TCAIM: variants seen among roughly 807,000 people sequenced by gnomAD.
TCAIM encodes the protein T cell activation inhibitor, mitochondrial.
TCAIM carries 36 observed loss-of-function variants against 58.6 expected under a neutral mutation model. The ratio of observed to expected loss-of-function variants is 0.61; its 90% CI spans 0.47 to 0.81. TCAIM has a LOEUF of 0.81. Ranked by LOEUF, TCAIM falls within the 30% of genes least tolerant of loss-of-function variation. TCAIM has a pLI of 0.00. For missense variants in TCAIM, 466 were observed against 579.6 expected (o/e 0.80, Z 2.01); for synonymous variants, 172 against 193.6 (o/e 0.89, Z 0.93).
At chr3:44,370,980 C>T (rs372755370) in intron 5 of TCAIM, among the ~76,000 whole-genome samples, 3 of 148,488 alleles carry the variant, frequency 2.0e-5, no homozygotes, top group South Asian at 2.1e-4. Flanking sequence ...GGCCCTATCT[C>T]GGCTCACTGC....
At position 44,338,848 on chromosome 3, in the gene TCAIM, G is replaced by A. The variant is rs1307667816; in HGVS notation, c.-45+14G>A. ...CTTGCCAGAACTGTAAGGAGCAAGA[G>A]GGGAGGGGCTCCGGTGGTGCATTCA... On this transcript the variant is annotated intron_variant, in intron 1 of 10. Transcript: ENST00000342649. The A allele has an allele frequency of 1.3e-5, 2 of 152,468 alleles. No individual in the cohort carries two copies. Among genetic ancestry groups the A allele is most frequent in the East Asian group, 1.9e-4 (1 of 5,186 alleles). The allele number at this position is 152,468 out of a possible 1,614,324, so 9.4% of individuals were successfully genotyped here.
intron 5 of TCAIM, among the ~76,000 whole-genome samples, chr3:44,392,365 A>G (rs1357879157): frequency 1.3e-5 from 2 of 152,076 alleles, no homozygotes; most frequent in African/African-American, 4.8e-5. Context: ...TTACATGTGT[A>G]GGTTTGTTAT....
intron 6 of TCAIM, 49 bp downstream of exon 6, chr3:44,393,026 T>G: frequency 6.6e-7 from 1 of 1,525,586 alleles, no homozygotes; most frequent in Non-Finnish European, 9.0e-7. Flanking sequence ...GAATATGAAT[T>G]ACCAACTGAT....
intron 1 of TCAIM, among the ~76,000 whole-genome samples, chr3:44,344,917 A>G (rs1194250003): frequency 6.6e-6 from 1 of 152,036 alleles, no homozygotes; most frequent in Non-Finnish European, 1.5e-5. Context: ...TTCACAAGGT[A>G]TTGTCATCAG....
chr3:44,405,482 G>A (rs1183233000), intron 10 of TCAIM, among the ~76,000 whole-genome samples: 1 of 151,960 alleles, frequency 6.6e-6, no homozygotes, highest in African/African-American at 2.4e-5. Context: ...AGACCAGTCT[G>A]GGCTACATGG....
At chr3:44,392,661 C>A (rs575851659) in intron 5 of TCAIM, among the ~76,000 whole-genome samples, 194 bp from the exon 6 acceptor site, 141 of 152,278 alleles carry the variant, frequency 9.3e-4, no homozygotes, top group African/African-American at 3.2e-3. Context: ...TGAACTCATT[C>A]TTTTTTATGG....
intron 8 of TCAIM, among the ~76,000 whole-genome samples, chr3:44,397,485 G>A (rs1701953096): frequency 1.3e-5 from 2 of 152,022 alleles, no homozygotes; most frequent in African/African-American, 4.8e-5. Context: ...TTTTATTACT[G>A]CGTACTATTT....
chr3:44,400,251 A>G lies in TCAIM; in HGVS notation c.886-104A>G, dbSNP rs1575280587. On this transcript the variant is annotated intron_variant, in intron 8 of 10. Coordinates refer to ENST00000342649, the MANE Select transcript of TCAIM (RefSeq NM_173826.4). The stretch of plus-strand genomic sequence containing the variant: ...CTTGAACTTTCCTTCAATGAAAATC[A>G]TTTTCTTGTTAAAAATGTCTTAATG... The G allele has an allele frequency of 1.1e-4, 101 of 895,250 alleles. No homozygotes were observed. In the South Asian group the frequency reaches 1.8e-3, roughly 16 times the overall value. 55.5% of individuals were successfully genotyped at this position (895,250 alleles called of 1,614,324 possible). A position where few individuals can be genotyped will look rare whatever the true frequency, so the allele number is the denominator to read the frequency against.
At chr3:44,360,690 C>G (rs750465948) in intron 3 of TCAIM, among the ~76,000 whole-genome samples, 1 of 151,656 alleles carries the variant, frequency 6.6e-6, no homozygotes, top group Non-Finnish European at 1.5e-5. Context: ...ACTGCAGCCT[C>G]GAACTCCTGG....
At chr3:44,384,777 A>C (rs1340397962) in intron 5 of TCAIM, among the ~76,000 whole-genome samples, 3 of 152,174 alleles carry the variant, frequency 2.0e-5, no homozygotes, top group African/African-American at 7.2e-5. Flanking sequence ...CTTCCCTGCA[A>C]CTTGGGTTCT....
chr3:44,404,489 A>T (rs1702069576), intron 10 of TCAIM, among the ~76,000 whole-genome samples: 1 of 151,730 alleles, frequency 6.6e-6, no homozygotes, highest in Non-Finnish European at 1.5e-5. Flanking sequence ...CCCTATACTT[A>T]GCCCCCAAGA....
intron 5 of TCAIM, among the ~76,000 whole-genome samples, chr3:44,376,459 A>C (rs1017377744): frequency 6.6e-6 from 1 of 152,208 alleles, no homozygotes; most frequent in Non-Finnish European, 1.5e-5. Flanking sequence ...AAAGGAGCAG[A>C]GTTTTTGTTA....
At chr3:44,383,809 C>CAAAAAA (rs71089100) in intron 5 of TCAIM, among the ~76,000 whole-genome samples, 10 of 95,384 alleles carry the variant, frequency 1.0e-4, no homozygotes, top group South Asian at 3.8e-4. Context: ...CCTGTCTCTA[C>CAAAAAA]AAAAAAAAAA....
At chr3:44,405,951 C>CAAA (rs10579882) in intron 10 of TCAIM, among the ~76,000 whole-genome samples, 53 of 112,984 alleles carry the variant, frequency 4.7e-4, no homozygotes, top group South Asian at 2.8e-3. Context: ...GACTCCATCT[C>CAAA]AAAAAAAAAA....
intron 5 of TCAIM, among the ~76,000 whole-genome samples, chr3:44,389,015 C>T (rs771123056): frequency 8.5e-5 from 13 of 152,134 alleles, no homozygotes; most frequent in African/African-American, 2.2e-4. Context: ...ATTAAAAGCC[C>T]GGCCGGTGGC....
At chr3:44,382,222 T>C (rs1701665875) in intron 5 of TCAIM, among the ~76,000 whole-genome samples, 1 of 152,158 alleles carries the variant, frequency 6.6e-6, no homozygotes, top group Admixed American at 6.5e-5. Context: ...CAAAACTTAC[T>C]GCAAAGCTAT....
intron 1 of TCAIM, among the ~76,000 whole-genome samples, chr3:44,344,397 C>G (rs1413420201): frequency 1.3e-5 from 2 of 152,160 alleles, no homozygotes; most frequent in Non-Finnish European, 2.9e-5. Flanking sequence ...AGGATACTAT[C>G]TTAGTCTTCA....
intron 4 of TCAIM, among the ~76,000 whole-genome samples, chr3:44,365,830 C>G (rs1701365575): frequency 6.6e-6 from 1 of 152,090 alleles, no homozygotes; most frequent in African/African-American, 2.4e-5. Flanking sequence ...TCATTTCAAT[C>G]AATTTAATTT....
chr3:44,374,697 G>T (rs1026071866), intron 5 of TCAIM, among the ~76,000 whole-genome samples: 3 of 152,136 alleles, frequency 2.0e-5, no homozygotes, highest in African/African-American at 7.2e-5. Context: ...GGAGGTCTAG[G>T]CTGCAGTGAT....
Sources: gnomAD v4.1 joint callset for allele counts (sites outside exome capture counted in the v4.1 genomes callset) on GRCh38, gnomAD v4.1.1 for gene constraint, MANE v1.5 for transcripts, NCBI Gene and HGNC (gene_info 2026-07-23, HGNC 2026-07-21) for gene names.